NIN: variants seen among roughly 807,000 people sequenced by gnomAD.
NIN encodes the protein ninein, also known as glycogen synthase kinase 3 beta-interacting protein.
Under a neutral mutation model 257.6 loss-of-function variants are expected in NIN, and 137 were observed. The ratio of observed to expected loss-of-function variants is 0.53; its 90% CI spans 0.46 to 0.61. The LOEUF is 0.61. NIN is among the 20% of genes least tolerant of loss of function. The pLI is 0.00. For missense variants in NIN, 2,439 were observed against 2,501.2 expected (o/e 0.98, Z 0.53); for synonymous variants, 918 against 919.8 (o/e 1.00, Z 0.04).
At chr14:50,728,190 G>T (rs1398082842) in intron 29 of NIN, among the ~76,000 whole-genome samples, 3 of 152,094 alleles carry the variant, frequency 2.0e-5, no homozygotes, top group African/African-American at 7.2e-5. Flanking sequence ...GCAATGAGAA[G>T]AATCTTGGCG....
chr14:50,738,183 T>G lies in NIN; in HGVS notation c.5732A>C (p.Glu1911Ala). Residue 1911 changes from glutamate (E) to alanine (A), a missense_variant, in exon 27 of 31, where the codon GAG becomes GCG. Transcript: ENST00000530997. ...TEQEKLSLKR[E>A]CDQFQKEQSP... is the part of the protein sequence containing the mutation. ...TTGTTCTTTCTGAAACTGATCACAC[T>G]CTCTCTTTAAGCTCAATTTTTCTTG... The G allele has an allele frequency of 6.2e-7, 1 of 1,614,134 alleles. No homozygotes were observed. The highest frequency in any genetic ancestry group is 8.5e-7 in the Non-Finnish European group (1 of 1,180,010).
chr14:50,721,180 A>G lies in NIN; in HGVS notation c.*2283T>C, dbSNP rs1487392632. The G allele has an allele frequency of 5.0e-6, 1 of 201,210 alleles. No homozygotes were observed. The highest frequency in any genetic ancestry group is 1.0e-5 in the Non-Finnish European group (1 of 97,752). 12.5% of individuals were successfully genotyped at this position (201,210 alleles called of 1,614,324 possible). A position where few individuals can be genotyped will look rare whatever the true frequency, so the allele number is the denominator to read the frequency against. ...TCATATTGATCTTTTTCCCAATCTC[A>G]TAAGTGGGATAAAATGAGAAATTAA... On this transcript the variant is annotated 3_prime_UTR_variant, in exon 31 of 31. Coordinates refer to ENST00000530997, the MANE Select transcript of NIN (RefSeq NM_020921.4).
chr14:50,821,181 TGAG>T (rs1214030407), intron 3 of NIN, among the ~76,000 whole-genome samples: 1 of 152,226 alleles, frequency 6.6e-6, no homozygotes, highest in African/African-American at 2.4e-5. Context: ...TTAATTATAA[TGAG>T]GAGAATTGAA....
rs2042041276 is a variant in NIN at position 50,756,679 on chromosome 14, T to C, written c.4351A>G (p.Ile1451Val). The C allele has an allele frequency of 6.4e-7, 1 of 1,551,958 alleles. No homozygotes were observed. The highest frequency in any genetic ancestry group is 1.2e-5 in the South Asian group (1 of 84,154). Reference protein sequence around the residue: ...QDKHFQHQATIAELELEKTKL... With the variant: ...QDKHFQHQATVAELELEKTKL... ...GTTTTCTCCAGTTCTAACTCTGCTA[T>C]GGTGGCCTGATGCTGAAAATGTTTG... The change falls in exon 18 of 31, where the codon ATA (isoleucine) becomes GTA (valine). Residue 1451 changes from isoleucine to valine, a missense_variant. Coordinates refer to ENST00000530997, the MANE Select transcript of NIN (RefSeq NM_020921.4).
At position 50,772,474 on chromosome 14, in the gene NIN, AG is replaced by A; in HGVS notation, c.814-7del. The A allele has an allele frequency of 8.1e-6, 13 of 1,613,850 alleles. No homozygotes were observed. Among genetic ancestry groups the A allele is most frequent in the Non-Finnish European group, 1.0e-5 (12 of 1,179,752 alleles). On this transcript the variant is annotated splice_region_variant and splice_polypyrimidine_tract_variant and intron_variant, in intron 8 of 30. Transcript: ENST00000530997. The stretch of plus-strand genomic sequence containing the variant: ...CGTCCACTCTCATCGAAAGACTGGA[AG>A]GAGGAAGAGACTTGAGTAAGCCTAG...
Position 50,725,971 on chromosome 14 carries a change from C to A in NIN, c.6174G>T (p.Val2058=). The change falls in exon 30 of 31, where the codon GTG becomes GTT. Residue 2058 remains valine, a synonymous_variant. Coordinates refer to ENST00000530997, the MANE Select transcript of NIN (RefSeq NM_020921.4). ...GGCTCACTTGTTCTTTGAGCTGATT[C>A]ACTTTCTCTTGAAGAAGCCTTTTCA... ...KLVKRLLQEK[V]NQLKEQLCKN... 6.2e-7 allele frequency: 1 copy of A among 1,614,098 alleles called. No homozygotes were observed. The highest frequency in any genetic ancestry group is 8.5e-7 in the Non-Finnish European group (1 of 1,179,970).
intron 15 of NIN, 37 bp downstream of exon 15, chr14:50,763,789 T>G (rs1218814076): frequency 1.3e-6 from 2 of 1,580,112 alleles, no homozygotes; most frequent in Admixed American, 3.4e-5. Context: ...AAAACAAGAG[T>G]AAAGGCTTTA....
At chr14:50,826,149 G>A (rs2045447378) in intron 2 of NIN, among the ~76,000 whole-genome samples, 1 of 152,190 alleles carries the variant, frequency 6.6e-6, no homozygotes, top group African/African-American at 2.4e-5. Context: ...CCCACCAGAG[G>A]CAGGAGTCTT....
At chr14:50,805,233 C>T (rs1263724360) in intron 4 of NIN, among the ~76,000 whole-genome samples, 1 of 152,156 alleles carries the variant, frequency 6.6e-6, no homozygotes, top group Non-Finnish European at 1.5e-5. Flanking sequence ...TTCAGGCCCC[C>T]CAGATGTCGC....
At chr14:50,727,911 TCACTC>T (rs1223404073) in intron 29 of NIN, among the ~76,000 whole-genome samples, 8 of 152,250 alleles carry the variant, frequency 5.3e-5, no homozygotes, top group African/African-American at 1.9e-4. Context: ...AGAGATCACA[TCACTC>T]CACACACAGA....
chr14:50,729,570 G>A lies in NIN; in HGVS notation c.6031C>T (p.Leu2011=), dbSNP rs2040588605. Residue 2011 remains leucine, a synonymous_variant, in exon 29 of 31, where the codon CTG becomes TTG. Transcript: ENST00000530997. ...LLQAERINQH[L]QEELENRTSE... ...GTCCTGTTTTCAAGTTCCTCCTGCA[G>A]GTGCTGGTTTATCCTTTCTGCCTGC... is the stretch of plus-strand genomic sequence containing the variant. 1.2e-6 allele frequency: 2 copies of A among 1,614,118 alleles called. No homozygotes were observed. The highest frequency in any genetic ancestry group is 1.7e-6 in the Non-Finnish European group (2 of 1,180,004).
chr14:50,783,223 ATT>A (rs34366314), intron 5 of NIN, among the ~76,000 whole-genome samples: 226 of 144,078 alleles, frequency 1.6e-3, no homozygotes, highest in Middle Eastern at 3.6e-3. Context: ...TCATTTTTGT[ATT>A]TTTTTTTTTT....
In NIN at chr14:50,744,324, GATT is replaced by G; in HGVS notation, c.5103_5105del (p.Lys1701_Ile1702delinsAsn). 1.2e-6 allele frequency: 2 copies of G among 1,614,068 alleles called. No individual in the cohort carries two copies. Among genetic ancestry groups the G allele is most frequent in the Non-Finnish European group, 1.7e-6 (2 of 1,179,974 alleles). On this transcript the variant is annotated inframe_deletion, in exon 23 of 31. Coordinates refer to ENST00000530997, the MANE Select transcript of NIN (RefSeq NM_020921.4). Reference sequence around the variant, plus strand: ...TTTCGTTGTAGCTTAGAACACTAGAGATTTTTTGCTGGAAGTCAGAGAGATCGG... The same window carrying G: ...TTTCGTTGTAGCTTAGAACACTAGAGTTTTGCTGGAAGTCAGAGAGATCGG...
At chr14:50,726,196 A>G in intron 29 of NIN, 130 bp from the exon 30 acceptor site, 1 of 689,608 alleles carries the variant, frequency 1.5e-6, no homozygotes, top group African/African-American at 1.8e-5. Flanking sequence ...TGGATTTCTC[A>G]TGAAATGAGA....
intron 3 of NIN, among the ~76,000 whole-genome samples, chr14:50,807,668 T>A (rs900444523): frequency 3.3e-5 from 5 of 152,228 alleles, no homozygotes; most frequent in Non-Finnish European, 7.3e-5. Flanking sequence ...ATGGGTCTGT[T>A]TGGATGTCAT....
At chr14:50,752,497 T>A in intron 21 of NIN, 21 bp downstream of exon 21, 1 of 1,563,648 alleles carries the variant, frequency 6.4e-7, no homozygotes, top group East Asian at 2.2e-5. Context: ...AAAAAAGCTG[T>A]CAGGTGGCTA....
In NIN at chr14:50,822,121, C is replaced by T; in HGVS notation, c.-21-44G>A. On this transcript the variant is annotated intron_variant, in intron 2 of 30. Transcript: ENST00000530997. Reference sequence around the variant, plus strand: ...CAAGGACAGGTTGTGGCAGCCTCTCCAGTCCTACCGTGGTCACCACCTGGC... The same window carrying T: ...CAAGGACAGGTTGTGGCAGCCTCTCTAGTCCTACCGTGGTCACCACCTGGC... The T allele has an allele frequency of 4.1e-6, 6 of 1,454,778 alleles. No individual in the cohort carries two copies. The South Asian group carries it at 6.2e-5, about 15-fold the overall frequency. The allele number at this position is 1,454,778 out of a possible 1,614,324, so 90.1% of individuals were successfully genotyped here.
intron 25 of NIN, among the ~76,000 whole-genome samples, chr14:50,740,214 T>C (rs1010603648): frequency 2.7e-5 from 4 of 150,162 alleles, no homozygotes; most frequent in African/African-American, 9.8e-5. Flanking sequence ...TGAGACAGAC[T>C]CTCACTCTGT....
In NIN at chr14:50,761,897, CT is replaced by C; in HGVS notation, c.1788del (p.Glu597AsnfsTer5). ...ATGCTCATATTCAATGGATTGCATT[CT>C]TCAGAACCGAGCCCTGAAAACACAT... ...GIEPEHGLGS[E>X]ECNPLNMSIE... On this transcript the variant is annotated frameshift_variant, in exon 16 of 31. Coordinates refer to ENST00000530997, the MANE Select transcript of NIN (RefSeq NM_020921.4). LOFTEE classifies it high-confidence loss of function. 1 of 1,614,150 alleles carries C rather than the reference CT, an allele frequency of 6.2e-7. No homozygotes were observed. The highest frequency in any genetic ancestry group is 1.1e-5 in the South Asian group (1 of 91,080).
Sources: gnomAD v4.1 joint callset for allele counts (sites outside exome capture counted in the v4.1 genomes callset) on GRCh38, gnomAD v4.1.1 for gene constraint, MANE v1.5 for transcripts, NCBI Gene and HGNC (gene_info 2026-07-23, HGNC 2026-07-21) for gene names.